The following CDH12 variants were observed in gnomAD, a reference collection of about 807,000 sequenced individuals.
CDH12 encodes the protein cadherin-12.
CDH12 carries 41 observed loss-of-function variants against 74.1 expected under a neutral mutation model. That is an observed-to-expected ratio of 0.55 (90% CI 0.43 to 0.72). CDH12 has a LOEUF of 0.72. CDH12 is among the 30% of genes least tolerant of loss of function. CDH12 has a pLI of 0.00. For synonymous variants in CDH12, 399 were observed against 355.0 expected (o/e 1.12, Z -1.39); for missense variants, 945 against 977.2 (o/e 0.97, Z 0.44).
At chr5:22,051,990 T>A (rs1057274246) in intron 5 of CDH12, among the ~76,000 whole-genome samples, 5 of 152,178 alleles carry the variant, frequency 3.3e-5, no homozygotes, top group African/African-American at 1.2e-4. Context: ...ACAATTAGAA[T>A]ATTTTAACAT....
chr5:22,132,576 G>A (rs999064618), intron 4 of CDH12, among the ~76,000 whole-genome samples: 1 of 151,706 alleles, frequency 6.6e-6, no homozygotes, highest in Non-Finnish European at 1.5e-5. Context: ...ACAACAGGAG[G>A]GGGAAACGGG....
intron 2 of CDH12, among the ~76,000 whole-genome samples, chr5:22,485,561 A>T (rs1397433734): frequency 6.6e-6 from 1 of 151,990 alleles, no homozygotes; most frequent in East Asian, 1.9e-4. Context: ...AATCATTTGG[A>T]TTTTCTCCAG....
rs143782404 is a variant in CDH12 at position 22,442,730 on chromosome 5, T to C, written c.-427-37379A>G. On this transcript the variant is annotated intron_variant, in intron 2 of 14. Coordinates refer to ENST00000382254, the MANE Select transcript of CDH12 (RefSeq NM_004061.5). ...GGCAGGAAAGCAAGGGTCTTGAGAA[T>C]GGAAAAGAAGCCTGGAGTCTTTTCA... is the stretch of plus-strand genomic sequence containing the variant. 5.0e-4 allele frequency among the ~76,000 whole-genome samples: 76 copies of C among 152,210 alleles called. No homozygotes were observed. In the East Asian group the frequency reaches 0.013, roughly 25 times the overall value.
chr5:22,296,624 G>T (rs985319416), intron 3 of CDH12, among the ~76,000 whole-genome samples: 2 of 152,072 alleles, frequency 1.3e-5, no homozygotes, highest in Admixed American at 6.6e-5. Context: ...AATTGAGTGG[G>T]TATTAATTTT....
At chr5:22,534,515 G>C (rs1404943937) in intron 1 of CDH12, among the ~76,000 whole-genome samples, 1 of 152,056 alleles carries the variant, frequency 6.6e-6, no homozygotes. Flanking sequence ...AGGTTGCTGC[G>C]AATGCCATTA....
intron 3 of CDH12, among the ~76,000 whole-genome samples, chr5:22,364,428 T>G: frequency 6.6e-6 from 1 of 152,296 alleles, no homozygotes; most frequent in East Asian, 1.9e-4. Context: ...CTCCTGGAAA[T>G]TAACTTACTT....
intron 4 of CDH12, among the ~76,000 whole-genome samples, chr5:22,149,048 G>T (rs1184757543): frequency 1.3e-5 from 2 of 152,162 alleles, no homozygotes; most frequent in Non-Finnish European, 2.9e-5. Context: ...AACCCAGGAG[G>T]CAGAGGTTGC....
intron 1 of CDH12, among the ~76,000 whole-genome samples, chr5:22,643,329 C>T (rs1256760825): frequency 6.6e-6 from 1 of 152,030 alleles, no homozygotes; most frequent in African/African-American, 2.4e-5. Flanking sequence ...CAACTGAGCT[C>T]CTGAAATTTG....
chr5:22,323,521 T>C (rs1241109884), intron 3 of CDH12, among the ~76,000 whole-genome samples: 3 of 152,192 alleles, frequency 2.0e-5, no homozygotes. Flanking sequence ...GAAGATTATA[T>C]ATTTTATGTT....
At chr5:22,620,312 T>G (rs1737908609) in intron 1 of CDH12, among the ~76,000 whole-genome samples, 1 of 151,992 alleles carries the variant, frequency 6.6e-6, no homozygotes. Context: ...GATGAAGAAT[T>G]GTAGTAAGAA....
rs1223731398 is a variant in CDH12, at chr5:22,087,871, TC to T, written c.-186-9010del. On this transcript the variant is annotated intron_variant, in intron 4 of 14. Coordinates refer to ENST00000382254, the MANE Select transcript of CDH12 (RefSeq NM_004061.5). ...CTACAGGGATAGATTTAAGAAAGTT[TC>T]CAGAAAGCCACCCACTGGGGATTGA... is the stretch of plus-strand genomic sequence containing the variant. Among the ~76,000 whole-genome samples the T allele has an allele frequency of 3.3e-5, 5 of 152,264 alleles. No individual in the cohort carries two copies. The East Asian group carries it at 9.7e-4, about 29-fold the overall frequency.
chr5:22,077,437 G>A (rs1742404771), intron 5 of CDH12, among the ~76,000 whole-genome samples: 2 of 152,002 alleles, frequency 1.3e-5, no homozygotes, highest in African/African-American at 4.8e-5. Flanking sequence ...AAAGCTCAAG[G>A]GATTTGCTGC....
chr5:21,756,739 TAAC>T lies in CDH12; in HGVS notation c.1634-900_1634-898del, dbSNP rs780399633. On this transcript the variant is annotated intron_variant, in intron 13 of 14. Transcript: ENST00000382254. ...ATATGTAGTTTATTATAGCTATGCA[TAAC>T]ACTTGAGAATAAGGTGAGATAATTT... is the stretch of plus-strand genomic sequence containing the variant. Among the ~76,000 whole-genome samples the T allele has an allele frequency of 5.0e-3, 768 of 152,304 alleles. 4 individuals are homozygous for T. The highest frequency in any genetic ancestry group is 0.016 in the African/African-American group (656 of 41,576).
At position 22,512,181 on chromosome 5, in the gene CDH12, A is replaced by G. The variant is rs115756340; in HGVS notation, c.-522-6817T>C. ...AGCCAGAGTCACGAACTTTAATAAA[A>G]GACAACACGAGGGCAACAAAAGACT... On this transcript the variant is annotated intron_variant, in intron 1 of 14. Coordinates refer to ENST00000382254, the MANE Select transcript of CDH12 (RefSeq NM_004061.5). Among the ~76,000 whole-genome samples the G allele has an allele frequency of 3.9e-3, 599 of 152,346 alleles. 3 individuals carry two copies. Among genetic ancestry groups the G allele is most frequent in the African/African-American group, 0.014 (567 of 41,586 alleles).
Position 22,171,943 on chromosome 5 carries a change from G to A in CDH12, c.-187+40555C>T, listed in dbSNP as rs144211013. Among the ~76,000 whole-genome samples the A allele has an allele frequency of 5.8e-3, 877 of 152,034 alleles. 5 individuals are homozygous for A. The highest frequency in any genetic ancestry group is 0.017 in the Middle Eastern group (5 of 294). On this transcript the variant is annotated intron_variant, in intron 4 of 14. Transcript: ENST00000382254. ...AAGAATTGAGATATAAAGAAGGCAGGTGTAGGAGTGAGAAAGGTAACCTGA... is the reference window on the plus strand; with the variant it reads ...AAGAATTGAGATATAAAGAAGGCAGATGTAGGAGTGAGAAAGGTAACCTGA...
At chr5:22,557,395 C>G (rs1738842440) in intron 1 of CDH12, among the ~76,000 whole-genome samples, 1 of 152,030 alleles carries the variant, frequency 6.6e-6, no homozygotes, top group Admixed American at 6.6e-5. Context: ...CCAAGGAGGT[C>G]TTACCCGAAT....
intron 1 of CDH12, among the ~76,000 whole-genome samples, chr5:22,773,051 T>C (rs996571421): frequency 5.9e-5 from 9 of 151,762 alleles, no homozygotes; most frequent in East Asian, 5.8e-4. Flanking sequence ...ATTGGAAAAA[T>C]CAATATTTTT....
chr5:22,458,881 T>C (rs948306912), intron 2 of CDH12, among the ~76,000 whole-genome samples: 2 of 152,272 alleles, frequency 1.3e-5, no homozygotes, highest in African/African-American at 4.8e-5. Context: ...CAGAAAACAA[T>C]ACTGGTTTGG....
chr5:22,602,340 A>T (rs1335231357), intron 1 of CDH12, among the ~76,000 whole-genome samples: 1 of 152,168 alleles, frequency 6.6e-6, no homozygotes, highest in Non-Finnish European at 1.5e-5. Flanking sequence ...AACCACGTGA[A>T]ATAAAATAAA....
Sources: gnomAD v4.1 joint callset for allele counts (sites outside exome capture counted in the v4.1 genomes callset) on GRCh38, gnomAD v4.1.1 for gene constraint, MANE v1.5 for transcripts, NCBI Gene and HGNC (gene_info 2026-07-23, HGNC 2026-07-21) for gene names.